CBLB: variants seen among roughly 807,000 people sequenced by gnomAD.
The protein encoded by CBLB is Cbl proto-oncogene B, also known as E3 ubiquitin-protein ligase CBL-B.
Under a neutral mutation model 104.9 loss-of-function variants are expected in CBLB, and 31 were observed. The observed-to-expected ratio is 0.30, with a 90% CI of 0.22 to 0.40. The LOEUF (loss-of-function observed/expected upper bound fraction) is 0.40, where lower values mean the gene tolerates loss of function less well. CBLB is among the 10% of genes least tolerant of loss of function. The pLI is 1.00. For synonymous variants in CBLB, 440 were observed against 422.6 expected (o/e 1.04, Z -0.51); for missense variants, 1,062 against 1,214.6 (o/e 0.87, Z 1.87).
intron 9 of CBLB, among the ~76,000 whole-genome samples, chr3:105,720,487 A>AT (rs1266976048): frequency 3.9e-5 from 6 of 152,134 alleles, no homozygotes; most frequent in Non-Finnish European, 5.9e-5. Context: ...AGAAAGTTTG[A>AT]TTTTCCCAAG....
At chr3:105,764,068 A>G (rs2077956889) in intron 4 of CBLB, among the ~76,000 whole-genome samples, 1 of 152,154 alleles carries the variant, frequency 6.6e-6, no homozygotes, top group Admixed American at 6.5e-5. Flanking sequence ...GAGAAATACT[A>G]CCTCTATTTT....
At chr3:105,867,878 TAAA>T (rs76716093) in intron 1 of CBLB, among the ~76,000 whole-genome samples, 1 of 141,296 alleles carries the variant, frequency 7.1e-6, no homozygotes. Flanking sequence ...ACTCAACTCA[TAAA>T]AAAAAAAAAA....
intron 10 of CBLB, among the ~76,000 whole-genome samples, chr3:105,714,474 G>C (rs566419544): frequency 2.0e-5 from 3 of 152,246 alleles, no homozygotes; most frequent in Non-Finnish European, 2.9e-5. Context: ...GGTGATGGGA[G>C]ACAGTGACAG....
At chr3:105,841,521 C>T (rs1275411161) in intron 3 of CBLB, among the ~76,000 whole-genome samples, 1 of 150,912 alleles carries the variant, frequency 6.6e-6, no homozygotes, top group East Asian at 2.0e-4. Flanking sequence ...GGTGTGATCT[C>T]GGCTCACTGC....
intron 3 of CBLB, among the ~76,000 whole-genome samples, chr3:105,841,914 T>C (rs1281647580): frequency 6.6e-6 from 1 of 152,184 alleles, no homozygotes; most frequent in Non-Finnish European, 1.5e-5. Flanking sequence ...CCCACATTTT[T>C]TCATGTCTTG....
intron 3 of CBLB, among the ~76,000 whole-genome samples, chr3:105,842,552 A>T (rs1240965740): frequency 1.3e-5 from 2 of 152,198 alleles, no homozygotes; most frequent in Non-Finnish European, 2.9e-5. Context: ...CTACCTTTGT[A>T]ACCTGGAGTG....
chr3:105,692,501 T>A (rs1297095088), intron 13 of CBLB, among the ~76,000 whole-genome samples: 1 of 151,982 alleles, frequency 6.6e-6, no homozygotes, highest in Admixed American at 6.6e-5. Flanking sequence ...ACCTTTAGGA[T>A]AAAGATTAGG....
At chr3:105,826,836 T>C (rs1340809681) in intron 3 of CBLB, among the ~76,000 whole-genome samples, 1 of 152,174 alleles carries the variant, frequency 6.6e-6, no homozygotes, top group Non-Finnish European at 1.5e-5. Context: ...TATGTTGGTA[T>C]GAAAGGAAAT....
Position 105,665,404 on chromosome 3 carries a change from AATAAATAAATAAATATATATATAT to A in CBLB, c.2689+4805_2689+4828del, listed in dbSNP as rs1347297667. On this transcript the variant is annotated intron_variant, in intron 18 of 18. Coordinates refer to ENST00000394030, the MANE Select transcript of CBLB (RefSeq NM_170662.5). ...CTGTCTCCAAAAAAATAAATAAATA[AATAAATAAATAAATATATATATAT>A]ATATATATATATATACACACACACA... is the stretch of plus-strand genomic sequence containing the variant. Among the ~76,000 whole-genome samples, 228 of 62,492 alleles carry A rather than the reference AATAAATAAATAAATATATATATAT, an allele frequency of 3.6e-3. 1 individual carries two copies. The highest frequency in any genetic ancestry group is 0.011 in the Admixed American group (64 of 6,054). 41.0% of individuals were successfully genotyped at this position (62,492 alleles called of 152,430 possible).
intron 4 of CBLB, among the ~76,000 whole-genome samples, chr3:105,752,541 C>T (rs1188226357): frequency 3.9e-5 from 6 of 152,124 alleles, no homozygotes; most frequent in African/African-American, 1.4e-4. Flanking sequence ...GCATAAAAGC[C>T]GTCCCTCTTA....
chr3:105,733,995 G>A lies in CBLB; in HGVS notation c.1203+14C>T. 1 of 1,612,074 alleles carries A rather than the reference G, an allele frequency of 6.2e-7. No individual in the cohort carries two copies. Among genetic ancestry groups the A allele is most frequent in the Non-Finnish European group, 8.5e-7 (1 of 1,178,158 alleles). On this transcript the variant is annotated intron_variant, in intron 9 of 18. Transcript: ENST00000394030. Reference sequence around the variant, plus strand: ...GACATATAAGAAAGACATCCATGTTGCTAATGATTATACCTGCCATGCCGT... The same window carrying A: ...GACATATAAGAAAGACATCCATGTTACTAATGATTATACCTGCCATGCCGT...
chr3:105,729,123 C>G (rs1173439521), intron 9 of CBLB, among the ~76,000 whole-genome samples: 1 of 152,070 alleles, frequency 6.6e-6, no homozygotes, highest in African/African-American at 2.4e-5. Flanking sequence ...CCTTTAAAAT[C>G]ATGTTCATAT....
upstream of CBLB, chr3:105,869,379 C>A: frequency 7.4e-7 from 1 of 1,342,574 alleles, no homozygotes. Flanking sequence ...GGACCGGGAG[C>A]CAAAGCCATC....
At chr3:105,846,371 T>C (rs1404043415) in intron 3 of CBLB, among the ~76,000 whole-genome samples, 1 of 152,048 alleles carries the variant, frequency 6.6e-6, no homozygotes, top group Non-Finnish European at 1.5e-5. Flanking sequence ...TTCATAGATA[T>C]CCAATATAGT....
chr3:105,755,822 G>T (rs1338112168), intron 4 of CBLB, among the ~76,000 whole-genome samples: 1 of 152,122 alleles, frequency 6.6e-6, no homozygotes, highest in Non-Finnish European at 1.5e-5. Flanking sequence ...CCATCCACAA[G>T]TCTTTTATAT....
chr3:105,736,577 C>T (rs748594197), intron 8 of CBLB, among the ~76,000 whole-genome samples: 11 of 151,910 alleles, frequency 7.2e-5, no homozygotes, highest in East Asian at 1.9e-4. Context: ...TGTAATTTTT[C>T]GCTTTTACAA....
chr3:105,867,259 A>G, intron 2 of CBLB, 151 bp downstream of exon 2: 1 of 876,698 alleles, frequency 1.1e-6, no homozygotes, highest in South Asian at 1.4e-5. Context: ...CAACTTTTCA[A>G]AAAACACAGA....
chr3:105,836,694 CACACTAGTTAACTTACAAAA>C (rs1206411448), intron 3 of CBLB, among the ~76,000 whole-genome samples: 1 of 152,126 alleles, frequency 6.6e-6, no homozygotes, highest in African/African-American at 2.4e-5. Flanking sequence ...ACTGACATCC[CACACTAGTTAACTTACAAAA>C]ACACACAAAA....
chr3:105,782,964 T>C (rs1253746184), intron 3 of CBLB, among the ~76,000 whole-genome samples: 1 of 152,240 alleles, frequency 6.6e-6, no homozygotes, highest in Non-Finnish European at 1.5e-5. Context: ...AGGACAAATA[T>C]ATTTGCTTTC....
Sources: allele counts gnomAD v4.1 joint callset (sites outside exome capture counted in the v4.1 genomes callset), GRCh38; gene constraint gnomAD v4.1.1; transcripts MANE v1.5; gene names NCBI Gene and HGNC (gene_info 2026-07-23, HGNC 2026-07-21).